Variants in MDGA2 observed in about 807,000 individuals in gnomAD.
The protein encoded by MDGA2 is MAM domain containing glycosylphosphatidylinositol anchor 2.
In MDGA2, 40 loss-of-function variants were observed where a neutral mutation model predicts 117.8. The ratio of observed to expected loss-of-function variants is 0.34; its 90% confidence interval spans 0.26 to 0.44. The LOEUF is 0.44. Among genes scored for constraint, MDGA2 ranks in the 20% least tolerant of loss-of-function variants. The pLI is 1.00. For synonymous variants in MDGA2, 452 were observed against 439.0 expected (o/e 1.03, Z -0.37); for missense variants, 1,123 against 1,250.6 (o/e 0.90, Z 1.54).
chr14:47,178,265 A>G (rs546485951), intron 3 of MDGA2, among the ~76,000 whole-genome samples: 8 of 152,300 alleles, frequency 5.3e-5, no homozygotes, highest in African/African-American at 1.7e-4. Context: ...GCAACTCATT[A>G]AACTCCCAGG....
intron 6 of MDGA2, among the ~76,000 whole-genome samples, chr14:47,087,460 CAAAAAAA>C (rs749371957): frequency 2.4e-4 from 16 of 67,966 alleles, no homozygotes; most frequent in South Asian, 6.9e-4. Flanking sequence ...GACTCCACAT[CAAAAAAA>C]AAAAAAAAAA....
Position 47,628,102 on chromosome 14 carries a change from T to C in MDGA2, c.280+46415A>G, listed in dbSNP as rs115699875. On this transcript the variant is annotated intron_variant, in intron 1 of 16. Transcript: ENST00000399232. ...AGAAAAGGAGCGAACCTGAACTCTT[T>C]ACCAGCTTTAGCATATTCTCTTCCC... 7.1e-3 allele frequency among the ~76,000 whole-genome samples: 1,085 copies of C among 152,288 alleles called. 8 individuals are homozygous for C. The highest frequency in any genetic ancestry group is 0.025 in the African/African-American group (1,042 of 41,562).
In MDGA2 at chr14:46,884,217, G is replaced by C. The variant is rs1313820770; in HGVS notation, c.2239-1996C>G. Among the ~76,000 whole-genome samples the C allele has an allele frequency of 6.6e-6, 1 of 152,102 alleles. No homozygotes were observed. Among genetic ancestry groups the C allele is most frequent in the African/African-American group, 2.4e-5 (1 of 41,446 alleles). ...AGATCCCTTGCTTTGAGAAGGCCTT[G>C]AGTTTTCATTGCTGTCTGCCTCAAT... On this transcript the variant is annotated intron_variant, in intron 10 of 16. Coordinates refer to ENST00000399232, the MANE Select transcript of MDGA2 (RefSeq NM_001113498.3). This position sits in a 1 kb window ranked among gnomAD's most constrained non-coding sequence, Gnocchi z 4.1.
At chr14:47,101,916 T>G (rs1025776136) in intron 5 of MDGA2, among the ~76,000 whole-genome samples, 1 of 152,172 alleles carries the variant, frequency 6.6e-6, no homozygotes, top group Non-Finnish European at 1.5e-5. Flanking sequence ...ATTATAGTGA[T>G]TCAGTTCCTC....
At chr14:47,342,818 T>A in intron 1 of MDGA2, 1 of 325,422 alleles carries the variant, frequency 3.1e-6, no homozygotes, top group Non-Finnish European at 6.1e-6. Flanking sequence ...CAAATTCTTC[T>A]CCATGTTGTA....
intron 3 of MDGA2, among the ~76,000 whole-genome samples, chr14:47,170,816 T>A (rs1594690295): frequency 6.6e-6 from 1 of 152,186 alleles, no homozygotes; most frequent in East Asian, 1.9e-4. Flanking sequence ...CAATTTTGAT[T>A]CAGCTGTATT....
chr14:47,623,828 G>A (rs1897093869), intron 1 of MDGA2, among the ~76,000 whole-genome samples: 1 of 152,162 alleles, frequency 6.6e-6, no homozygotes. Context: ...AACAATCTAT[G>A]CAGAAAAGTC....
chr14:47,418,973 T>A (rs192328398), intron 1 of MDGA2, among the ~76,000 whole-genome samples: 12 of 152,220 alleles, frequency 7.9e-5, no homozygotes, highest in African/African-American at 2.4e-4. Context: ...AGATTGTAGA[T>A]TAGAAAAGGA....
chr14:47,140,507 C>A (rs1287426966), intron 4 of MDGA2, among the ~76,000 whole-genome samples: 1 of 151,994 alleles, frequency 6.6e-6, no homozygotes, highest in African/African-American at 2.4e-5. Context: ...ATGGAATAGA[C>A]AGCACATAAC....
At position 47,603,571 on chromosome 14, in the gene MDGA2, T is replaced by C. The variant is rs570808897; in HGVS notation, c.280+70946A>G. Reference sequence around the variant, plus strand: ...ATTTTGTCCAATGATTGAGCTAAAATTAGAATGAGGATTTGTTTCCAGTTC... The same window carrying C: ...ATTTTGTCCAATGATTGAGCTAAAACTAGAATGAGGATTTGTTTCCAGTTC... On this transcript the variant is annotated intron_variant, in intron 1 of 16. Transcript: ENST00000399232. Among the ~76,000 whole-genome samples, 6 of 152,286 alleles carry C rather than the reference T, an allele frequency of 3.9e-5. No homozygotes were observed. The South Asian group carries it at 1.2e-3, about 32-fold the overall frequency.
At chr14:46,872,859 T>A (rs1277629501) in intron 14 of MDGA2, among the ~76,000 whole-genome samples, 1 of 151,934 alleles carries the variant, frequency 6.6e-6, no homozygotes, top group Non-Finnish European at 1.5e-5. Context: ...TCTAGCACAG[T>A]TGTGCATCTG....
chr14:47,114,255 T>C (rs1443380263), intron 5 of MDGA2, among the ~76,000 whole-genome samples: 1 of 152,140 alleles, frequency 6.6e-6, no homozygotes, highest in East Asian at 1.9e-4. Context: ...TACAAACCAC[T>C]GTTCAAGGAA....
At chr14:47,448,279 C>T (rs1893169189) in intron 1 of MDGA2, among the ~76,000 whole-genome samples, 2 of 151,972 alleles carry the variant, frequency 1.3e-5, no homozygotes, top group African/African-American at 4.8e-5. Context: ...ACTGGGATTA[C>T]AAGCATGTGC....
At chr14:46,854,965 T>A in intron 15 of MDGA2, 59 bp downstream of exon 15, 2 of 1,370,684 alleles carry the variant, frequency 1.5e-6, no homozygotes, top group Non-Finnish European at 9.9e-7. Context: ...TTGCTCAAGA[T>A]CCACCTTTAA....
chr14:47,324,956 G>GA (rs1034143051), intron 1 of MDGA2, among the ~76,000 whole-genome samples: 1 of 152,046 alleles, frequency 6.6e-6, no homozygotes, highest in Admixed American at 6.6e-5. Context: ...TTGATCAAGG[G>GA]AAAATAGGCC....
At chr14:47,251,669 G>A (rs1440640798) in intron 2 of MDGA2, among the ~76,000 whole-genome samples, 6 of 152,182 alleles carry the variant, frequency 3.9e-5, no homozygotes, top group Middle Eastern at 6.8e-3. Flanking sequence ...AGCACACCAA[G>A]ATGTTCAAAT....
At chr14:47,158,359 GGTGGGTGTGT>G (rs1273705127) in intron 3 of MDGA2, among the ~76,000 whole-genome samples, 114 of 120,076 alleles carry the variant, frequency 9.5e-4, no homozygotes, top group African/African-American at 3.3e-3. Context: ...ATATCCCTGG[GGTGGGTGTGT>G]GTGTGTGTGT....
At chr14:47,333,682 CCA>C (rs1292130872) in intron 1 of MDGA2, among the ~76,000 whole-genome samples, 1 of 151,648 alleles carries the variant, frequency 6.6e-6, no homozygotes, top group Non-Finnish European at 1.5e-5. Context: ...TTTATTTCTC[CCA>C]ATTTCCACTC....
chr14:47,470,118 T>A lies in MDGA2; in HGVS notation c.281-168568A>T, dbSNP rs549566042. Among the ~76,000 whole-genome samples, 97 of 89,918 alleles carry A rather than the reference T, an allele frequency of 1.1e-3. 1 individual carries two copies. The highest frequency in any genetic ancestry group is 3.3e-3 in the African/African-American group (92 of 28,092). 59.0% of individuals were successfully genotyped at this position (89,918 alleles called of 152,430 possible). ...CATCTTTTTATTTATTTATTTATTT[T>A]TATTTTTTTTTTGATGCTTTCAATT... On this transcript the variant is annotated intron_variant, in intron 1 of 16. Coordinates refer to ENST00000399232, the MANE Select transcript of MDGA2 (RefSeq NM_001113498.3).
Sources: gnomAD v4.1 joint callset for allele counts (sites outside exome capture counted in the v4.1 genomes callset) on GRCh38, gnomAD v4.1.1 for gene constraint, Gnocchi (gnomAD v3.1) non-coding constraint, MANE v1.5 for transcripts, NCBI Gene and HGNC (gene_info 2026-07-23, HGNC 2026-07-21) for gene names.